The following NRG3 variants were observed in gnomAD, a reference collection of about 807,000 sequenced individuals.
NRG3 encodes neuregulin 3.
NRG3 carries 31 observed loss-of-function variants against 66.9 expected under a neutral mutation model. That is an observed-to-expected ratio of 0.46 (90% confidence interval 0.35 to 0.63). The LOEUF is 0.63. Ranked by LOEUF, NRG3 falls within the 20% of genes least tolerant of loss-of-function variation. The probability of loss-of-function intolerance (pLI) is 0.00; values close to 1 mark genes in which losing one functional copy is unlikely to be tolerated. For missense variants in NRG3, 910 were observed against 878.9 expected (o/e 1.04, Z -0.45); for synonymous variants, 393 against 359.4 (o/e 1.09, Z -1.06).
chr10:82,444,457 G>C (rs777288735), intron 2 of NRG3, among the ~76,000 whole-genome samples: 1 of 152,122 alleles, frequency 6.6e-6, no homozygotes, highest in Non-Finnish European at 1.5e-5. Context: ...TAATTCATGA[G>C]CTGCATTCTA....
chr10:82,379,083 C>T (rs1285805871), intron 2 of NRG3, among the ~76,000 whole-genome samples: 3 of 152,142 alleles, frequency 2.0e-5, no homozygotes, highest in Non-Finnish European at 4.4e-5. Context: ...TGATGGACTG[C>T]ACCCAAAGGA....
chr10:82,848,494 G>T lies in NRG3; in HGVS notation c.1028-16917G>T, dbSNP rs12249947. Among the ~76,000 whole-genome samples, 295 of 152,256 alleles carry T rather than the reference G, an allele frequency of 1.9e-3. 2 individuals are homozygous for T. The highest frequency in any genetic ancestry group is 6.8e-3 in the African/African-American group (282 of 41,550). ...TAACTAACTTGCTTTGATTTTACAGGCTCATAGGTGGAAGGTACTTGCCTT... is the reference window on the plus strand; with the variant it reads ...TAACTAACTTGCTTTGATTTTACAGTCTCATAGGTGGAAGGTACTTGCCTT... On this transcript the variant is annotated intron_variant, in intron 3 of 8. Transcript: ENST00000372141.
At chr10:82,565,029 T>G (rs1033847074) in intron 2 of NRG3, among the ~76,000 whole-genome samples, 1 of 152,030 alleles carries the variant, frequency 6.6e-6, no homozygotes, top group South Asian at 2.1e-4. Context: ...AAGAACACTG[T>G]TGGGAACGAG....
Position 82,646,172 on chromosome 10 carries a change from C to T in NRG3, c.954-92405C>T, listed in dbSNP as rs80187779. Among the ~76,000 whole-genome samples the T allele has an allele frequency of 9.5e-4, 145 of 152,228 alleles. 1 individual carries two copies. Among genetic ancestry groups the T allele is most frequent in the African/African-American group, 3.4e-3 (143 of 41,560 alleles). On this transcript the variant is annotated intron_variant, in intron 2 of 8. Transcript: ENST00000372141. Reference sequence around the variant, plus strand: ...CCTAACCTCTTGGCCCTACAGCTGACTCTATTATGCCCTTTGAGAAACATC... The same window carrying T: ...CCTAACCTCTTGGCCCTACAGCTGATTCTATTATGCCCTTTGAGAAACATC...
At chr10:82,200,653 G>A (rs866890984) in intron 1 of NRG3, among the ~76,000 whole-genome samples, 1 of 152,088 alleles carries the variant, frequency 6.6e-6, no homozygotes, top group African/African-American at 2.4e-5. Context: ...AAAGTAAGTC[G>A]CATGCCCGAA....
chr10:82,483,532 G>A (rs1842451432), intron 2 of NRG3, among the ~76,000 whole-genome samples: 2 of 152,242 alleles, frequency 1.3e-5, no homozygotes, highest in African/African-American at 2.4e-5. Context: ...GGCAATGCTA[G>A]TAGTAGATGT....
intron 2 of NRG3, among the ~76,000 whole-genome samples, chr10:82,564,135 C>CTCACAGA (rs1464856514): frequency 6.6e-6 from 1 of 152,096 alleles, no homozygotes; most frequent in Non-Finnish European, 1.5e-5. Flanking sequence ...TGAATAAAAT[C>CTCACAGA]TCACAGATCA....
chr10:82,961,343 A>G (rs1396710727), intron 6 of NRG3, among the ~76,000 whole-genome samples: 1 of 152,236 alleles, frequency 6.6e-6, no homozygotes, highest in Non-Finnish European at 1.5e-5. Context: ...TAAATTCAAC[A>G]CAATACCCAT....
chr10:82,927,930 C>T (rs184784849), intron 4 of NRG3, among the ~76,000 whole-genome samples: 2 of 152,182 alleles, frequency 1.3e-5, no homozygotes, highest in African/African-American at 4.8e-5. Flanking sequence ...CTGTCATCCA[C>T]AATGGTTGAA....
At chr10:82,559,974 A>G (rs1454933084) in intron 2 of NRG3, among the ~76,000 whole-genome samples, 2 of 152,028 alleles carry the variant, frequency 1.3e-5, no homozygotes, top group African/African-American at 2.4e-5. Flanking sequence ...ATATATATAT[A>G]TAGTAAGTCA....
intron 2 of NRG3, among the ~76,000 whole-genome samples, chr10:82,462,439 C>T (rs2091560584): frequency 6.6e-6 from 1 of 151,880 alleles, no homozygotes; most frequent in Admixed American, 6.6e-5. Context: ...TTTAAAAATT[C>T]TGCAATAGAT....
intron 1 of NRG3, among the ~76,000 whole-genome samples, chr10:82,223,135 T>A (rs1158630586): frequency 6.7e-6 from 1 of 149,056 alleles, no homozygotes; most frequent in East Asian, 2.0e-4. Context: ...CAGTGTAGAT[T>A]CTTTATTGAA....
At chr10:82,829,091 T>A (rs2062388378) in intron 3 of NRG3, among the ~76,000 whole-genome samples, 1 of 152,200 alleles carries the variant, frequency 6.6e-6, no homozygotes, top group African/African-American at 2.4e-5. Flanking sequence ...CACCTTATAT[T>A]CCTGTTAATG....
intron 1 of NRG3, among the ~76,000 whole-genome samples, chr10:82,234,603 T>G (rs1180043705): frequency 6.6e-6 from 1 of 152,236 alleles, no homozygotes; most frequent in Non-Finnish European, 1.5e-5. Context: ...ATGAATGATT[T>G]AAGTTCAATT....
chr10:82,722,865 G>A (rs35320665), intron 2 of NRG3, among the ~76,000 whole-genome samples: 38,717 of 151,962 alleles, frequency 0.25, 5,151 homozygotes, highest in African/African-American at 0.29. Context: ...CCTAATTGAG[G>A]ATAATAGTAT....
At chr10:82,092,106 G>T (rs1391379324) in intron 1 of NRG3, among the ~76,000 whole-genome samples, 1 of 152,128 alleles carries the variant, frequency 6.6e-6, no homozygotes, top group Non-Finnish European at 1.5e-5. Flanking sequence ...ATAAGTGCAT[G>T]ATCTCAATCA....
intron 1 of NRG3, among the ~76,000 whole-genome samples, chr10:81,916,366 A>G (rs1051712320): frequency 6.6e-5 from 10 of 152,218 alleles, no homozygotes; most frequent in African/African-American, 2.4e-4. Context: ...GAATCAAGAA[A>G]CATAATAATA....
chr10:82,374,154 A>G (rs2085063859), intron 2 of NRG3, among the ~76,000 whole-genome samples: 3 of 152,236 alleles, frequency 2.0e-5, no homozygotes, highest in African/African-American at 4.8e-5. Flanking sequence ...AAATGTTAAT[A>G]TCAATCTTCT....
chr10:82,665,773 A>T (rs1412259926), intron 2 of NRG3, among the ~76,000 whole-genome samples: 2 of 152,128 alleles, frequency 1.3e-5, no homozygotes, highest in East Asian at 3.9e-4. Flanking sequence ...AATCTCAACA[A>T]TATTTTACCC....
Sources: allele counts gnomAD v4.1 joint callset (sites outside exome capture counted in the v4.1 genomes callset), GRCh38; gene constraint gnomAD v4.1.1; transcripts MANE v1.5; gene names NCBI Gene and HGNC (gene_info 2026-07-23, HGNC 2026-07-21).